ESPL1: variants seen among roughly 807,000 people sequenced by gnomAD.
ESPL1 encodes separin.
A neutral mutation model predicts 217.2 loss-of-function variants in ESPL1; 50 were observed. The ratio of observed to expected loss-of-function variants is 0.23; its 90% CI spans 0.18 to 0.29. The LOEUF (loss-of-function observed/expected upper bound fraction) is 0.29. ESPL1 is among the 10% of genes least tolerant of loss of function. ESPL1 has a pLI of 1.00. For synonymous variants in ESPL1, 994 were observed against 1,081.3 expected (o/e 0.92, Z 1.58); for missense variants, 1,834 against 2,603.0 (o/e 0.70, Z 6.43).
At chr12:53,281,414 C>T (rs985416525) in intron 12 of ESPL1, 93 bp from the exon 13 acceptor site, 4 of 1,316,172 alleles carry the variant, frequency 3.0e-6, no homozygotes, top group African/African-American at 1.5e-5. Context: ...GCTGGGATTA[C>T]AGGTGTGAGC....
chr12:53,288,760 C>T, intron 20 of ESPL1, 61 bp downstream of exon 20: 1 of 1,473,560 alleles, frequency 6.8e-7, no homozygotes, highest in South Asian at 1.3e-5. Flanking sequence ...GGGCTTTTGA[C>T]CCCTCTGTCT....
Position 53,279,765 on chromosome 12 carries a change from C to T in ESPL1, c.2398C>T (p.Arg800Trp). The change falls in exon 12 of 31, where the codon CGG becomes TGG. Residue 800 changes from arginine (R) to tryptophan (W), a missense_variant. Physicochemically the swap from Arg to Trp is moderately radical, Grantham distance 101. Coordinates refer to ENST00000257934, the MANE Select transcript of ESPL1 (RefSeq NM_012291.5). Reference sequence around the variant, plus strand: ...GGCTCTGGAGGTCCTCCTGCTGCTACGGATTGTCTCTGAGAGACTGAAGGA... The same window carrying T: ...GGCTCTGGAGGTCCTCCTGCTGCTATGGATTGTCTCTGAGAGACTGAAGGA... ...MQALEVLLLL[R>W]IVSERLKDHS... is the part of the protein sequence containing the mutation. 6.2e-7 allele frequency: 1 copy of T among 1,614,088 alleles called. No individual in the cohort carries two copies. Among genetic ancestry groups the T allele is most frequent in the Non-Finnish European group, 8.5e-7 (1 of 1,180,016 alleles).
chr12:53,280,355 A>T (rs370934302), intron 12 of ESPL1, among the ~76,000 whole-genome samples: 1 of 152,082 alleles, frequency 6.6e-6, no homozygotes, highest in African/African-American at 2.4e-5. Context: ...TTGCCACAAA[A>T]TATCTCACTC....
At chr12:53,271,973 G>A (rs1943682797) in intron 5 of ESPL1, among the ~76,000 whole-genome samples, 1 of 151,950 alleles carries the variant, frequency 6.6e-6, no homozygotes, top group Admixed American at 6.6e-5. Context: ...TGTACTCCCA[G>A]CTACTCAGGA....
chr12:53,287,830 T>C, intron 18 of ESPL1, 142 bp from the exon 19 acceptor site: 2 of 772,302 alleles, frequency 2.6e-6, no homozygotes, highest in South Asian at 3.6e-5. Flanking sequence ...GAGTGTTGGC[T>C]GTCATGTGAG....
intron 22 of ESPL1, 92 bp from the exon 23 acceptor site, chr12:53,289,993 T>C: frequency 2.0e-6 from 3 of 1,466,604 alleles, no homozygotes; most frequent in Non-Finnish European, 1.9e-6. Context: ...TTCTTGATGC[T>C]GGCTTGAGTG....
rs1221744763 is a variant in ESPL1 at position 53,285,909 on chromosome 12, C to T, written c.3188-15C>T. ...TTCTCCCCGTTTTGTAATTCTTGTT[C>T]TGCCTTCTCCCCAGAGTTTGGTGGG... On this transcript the variant is annotated splice_polypyrimidine_tract_variant and intron_variant, in intron 17 of 30. Coordinates refer to ENST00000257934, the MANE Select transcript of ESPL1 (RefSeq NM_012291.5). 6.6e-7 allele frequency: 1 copy of T among 1,508,528 alleles called. No individual in the cohort carries two copies. Among genetic ancestry groups the T allele is most frequent in the Non-Finnish European group, 8.9e-7 (1 of 1,127,170 alleles). 93.4% of individuals were successfully genotyped at this position (1,508,528 alleles called of 1,614,324 possible).
rs138160247 is a variant in ESPL1, at chr12:53,292,635, C to T, written c.5974C>T (p.Leu1992=). 6.2e-7 allele frequency: 1 copy of T among 1,613,062 alleles called. No individual in the cohort carries two copies. The highest frequency in any genetic ancestry group is 8.5e-7 in the Non-Finnish European group (1 of 1,179,920). ...AAGACCTGAACAGGTGCAGGAAGCC[C>T]TGACAAAGCATGATTTGTATATGTG... ...VPRPEQVQEA[L]TKHDLYIYAG... The change falls in exon 29 of 31, where the codon CTG becomes TTG. Residue 1992 remains leucine, a synonymous_variant. Coordinates refer to ENST00000257934, the MANE Select transcript of ESPL1 (RefSeq NM_012291.5). The surrounding 1 kb of genome is among the most constrained non-coding windows in gnomAD (Gnocchi z 4.5).
chr12:53,292,206 A>G lies in ESPL1; in HGVS notation c.5797-72A>G. 3 of 1,420,986 alleles carry G rather than the reference A, an allele frequency of 2.1e-6. No homozygotes were observed. Among genetic ancestry groups the G allele is most frequent in the Non-Finnish European group, 3.0e-6 (3 of 1,004,468 alleles). The allele number at this position is 1,420,986 out of a possible 1,614,324, so 88.0% of individuals were successfully genotyped here. A position where few individuals can be genotyped will look rare whatever the true frequency, so the allele number is the denominator to read the frequency against. On this transcript the variant is annotated intron_variant, in intron 27 of 30. Transcript: ENST00000257934. The surrounding 1 kb of genome is among the most constrained non-coding windows in gnomAD (Gnocchi z 4.5). The stretch of plus-strand genomic sequence containing the variant: ...TCCTAGGAATGGCTCAGACATGGAA[A>G]GGGGCTGAGATTGTTAGAGCTTGGG...
In ESPL1 at chr12:53,277,068, A is replaced by G. The variant is rs1943778774; in HGVS notation, c.1941-15A>G. ...CTCATAGTAGGCCCAGCTTAAGCAC[A>G]TCTTCTCCCTGCAGCTCTGCTCTGG... On this transcript the variant is annotated splice_polypyrimidine_tract_variant and intron_variant, in intron 8 of 30. Transcript: ENST00000257934. 1.2e-6 allele frequency: 2 copies of G among 1,609,800 alleles called. No homozygotes were observed. Among genetic ancestry groups the G allele is most frequent in the Non-Finnish European group, 8.5e-7 (1 of 1,177,200 alleles).
chr12:53,271,172 GTTT>G (rs1555185860), intron 5 of ESPL1, among the ~76,000 whole-genome samples: 1 of 117,752 alleles, frequency 8.5e-6, no homozygotes. Flanking sequence ...ATATTTAAGT[GTTT>G]TTTTTTTTTT....
rs768136628 is a variant in ESPL1 at position 53,292,057 on chromosome 12, G to A, written c.5765G>A (p.Arg1922His). 10 of 1,613,834 alleles carry A rather than the reference G, an allele frequency of 6.2e-6. No individual in the cohort carries two copies. The highest frequency in any genetic ancestry group is 1.6e-4 in the Middle Eastern group (1 of 6,082). Reference protein sequence around the residue: ...ALPVTRLPSFRFLLSYSIIKE... With the variant: ...ALPVTRLPSFHFLLSYSIIKE... ...CCTGTCACCCGGCTGCCCTCCTTCCGCTTCCTACTCAGCTACTCCATCATC... is the reference window on the plus strand; with the variant it reads ...CCTGTCACCCGGCTGCCCTCCTTCCACTTCCTACTCAGCTACTCCATCATC... Residue 1922 changes from arginine to histidine, a missense_variant, in exon 27 of 31, where the codon CGC becomes CAC. By Grantham distance (29) the Arg-to-His change is conservative (BLOSUM62 0). Around this residue, in one of 5 missense-constraint regions of ESPL1, gnomAD observed 295 missense variants for 519.8 expected, o/e 0.57. Transcript: ENST00000257934. The surrounding 1 kb of genome is among the most constrained non-coding windows in gnomAD (Gnocchi z 4.5).
At chr12:53,288,379 G>C (rs771141780) in intron 19 of ESPL1, 38 bp downstream of exon 19, 2 of 1,556,434 alleles carry the variant, frequency 1.3e-6, no homozygotes, top group Non-Finnish European at 1.7e-6. Flanking sequence ...TGCATGTTTT[G>C]GGGGTTTGTT....
In ESPL1 at chr12:53,270,274, G is replaced by A. The variant is rs1377878207; in HGVS notation, c.1144-104G>A. On this transcript the variant is annotated intron_variant, in intron 3 of 30. Coordinates refer to ENST00000257934, the MANE Select transcript of ESPL1 (RefSeq NM_012291.5). ...GTGGCCCTTCTGGATGTCCTTCCTC[G>A]TGCTCCCTGGGCTCTGTCAGCTCTC... 5.3e-5 allele frequency: 53 copies of A among 995,846 alleles called. No homozygotes were observed. In the East Asian group the frequency reaches 7.4e-4, roughly 14 times the overall value. 61.7% of individuals were successfully genotyped at this position (995,846 alleles called of 1,614,324 possible).
At chr12:53,268,674 C>A in intron 1 of ESPL1, 81 bp from the exon 2 acceptor site, 1 of 781,882 alleles carries the variant, frequency 1.3e-6, no homozygotes, top group Non-Finnish European at 2.1e-6. Flanking sequence ...TTCTTTGCCT[C>A]CTTCCACGAC....
In ESPL1 at chr12:53,289,430, T is replaced by G; in HGVS notation, c.4949T>G (p.Leu1650Arg). Residue 1650 changes from leucine (L) to arginine (R), a missense_variant, in exon 22 of 31, where the codon CTT (leucine) becomes CGT (arginine). Coordinates refer to ENST00000257934, the MANE Select transcript of ESPL1 (RefSeq NM_012291.5). The part of the protein sequence containing the change: ...LSKAQKHRGS[L>R]EIADQLQGLS... ...AAGGCCCAGAAGCACCGAGGATCAC[T>G]TGAAATAGCAGACCAGCTGCAGGGG... 6.2e-7 allele frequency: 1 copy of G among 1,614,040 alleles called. No individual in the cohort carries two copies. The highest frequency in any genetic ancestry group is 8.5e-7 in the Non-Finnish European group (1 of 1,180,016).
Position 53,286,788 on chromosome 12 carries a change from A to G in ESPL1, c.4052A>G (p.Asp1351Gly), listed in dbSNP as rs1377714747. The change falls in exon 18 of 31, where the codon GAC becomes GGC. Residue 1351 changes from aspartate (D) to glycine (G), a missense_variant. Asp to Gly is a moderately conservative substitution (Grantham distance 94). This residue lies in a region of ESPL1 where 681 missense variants were observed against 808.0 expected (regional missense o/e 0.84). Coordinates refer to ENST00000257934, the MANE Select transcript of ESPL1 (RefSeq NM_012291.5). The surrounding 1 kb of genome is among the most constrained non-coding windows in gnomAD (Gnocchi z 5.3). ...RGLPCTPKPPDRIRQAGPHVP... is the reference protein window; with the variant it reads ...RGLPCTPKPPGRIRQAGPHVP... ...CTGCCCTGCACACCTAAACCCCCAG[A>G]CCGGATCAGGCAAGCTGGCCCTCAT... 1 of 1,614,028 alleles carries G rather than the reference A, an allele frequency of 6.2e-7. No individual in the cohort carries two copies. Among genetic ancestry groups the G allele is most frequent in the Non-Finnish European group, 8.5e-7 (1 of 1,180,028 alleles).
chr12:53,285,023 A>AG (rs1347857613), intron 17 of ESPL1, among the ~76,000 whole-genome samples: 1 of 138,022 alleles, frequency 7.2e-6, no homozygotes, highest in Non-Finnish European at 1.7e-5. Context: ...AAAAAAAAAA[A>AG]AAAAGAAGAA....
rs763335435 is a variant in ESPL1, at chr12:53,276,770, G to A, written c.1851G>A (p.Glu617=). Residue 617 remains glutamate (E), a synonymous_variant, in exon 8 of 31, where the codon GAG becomes GAA. Transcript: ENST00000257934. ...ACCTCCTGGAGCTGAGCCCCGAGGA[G>A]ACACCAGCCGGGGCCTGGGCACGAG... ...ICDLLELSPE[E]TPAGAWARAT... is the part of the protein sequence containing the mutation. The A allele has an allele frequency of 3.7e-6, 6 of 1,613,872 alleles. No homozygotes were observed. Among genetic ancestry groups the A allele is most frequent in the Non-Finnish European group, 5.1e-6 (6 of 1,180,034 alleles).
Sources: gnomAD v4.1 joint callset for allele counts (sites outside exome capture counted in the v4.1 genomes callset) on GRCh38, gnomAD v4.1.1 for gene constraint, gnomAD v4.1.1 regional missense constraint, Gnocchi (gnomAD v3.1) non-coding constraint, MANE v1.5 for transcripts, NCBI Gene and HGNC (gene_info 2026-07-23, HGNC 2026-07-21) for gene names.